TAF10: variants seen among roughly 807,000 people sequenced by gnomAD.
TAF10 encodes transcription initiation factor TFIID subunit 10.
A neutral mutation model predicts 18.1 loss-of-function variants in TAF10; 2 were observed. The ratio of observed to expected loss-of-function variants is 0.11; its 90% CI spans 0.05 to 0.35. TAF10 has a LOEUF of 0.35. Among genes scored for constraint, TAF10 ranks in the 10% least tolerant of loss-of-function variants. The pLI, the probability that TAF10 is intolerant of heterozygous loss-of-function variation, is 1.00. For missense variants in TAF10, 293 were observed against 306.9 expected, an observed-to-expected ratio of 0.95 and a Z score of 0.34; for synonymous variants, 158 against 134.6, an observed-to-expected ratio of 1.17 and a Z score of -1.20.
chr11:6,612,037 T>C lies in TAF10; in HGVS notation c.153A>G (p.Gly51=), dbSNP rs2134584444. ...NKASPAGTAG[G]PGAGAAAGGT... ...CCCCAGCAGCTGCTCCAGCCCCAGGTCCCCCCGCTGTCCCCGCGGGGCTGG... is the reference window on the plus strand; with the variant it reads ...CCCCAGCAGCTGCTCCAGCCCCAGGCCCCCCCGCTGTCCCCGCGGGGCTGG... Residue 51 remains glycine, a synonymous_variant, in exon 1 of 5, where the codon GGA becomes GGG. Transcript: ENST00000299424. 6.7e-7 allele frequency: 1 copy of C among 1,490,738 alleles called. No individual in the cohort carries two copies. The highest frequency in any genetic ancestry group is 8.9e-7 in the Non-Finnish European group (1 of 1,129,212). 92.3% of individuals were successfully genotyped at this position (1,490,738 alleles called of 1,614,324 possible). A position where few individuals can be genotyped will look rare whatever the true frequency, so the allele number is the denominator to read the frequency against.
In TAF10 at chr11:6,608,950, C is replaced by T. The variant is rs756271344; in HGVS notation, c.*1972G>A. On this transcript the variant is annotated 3_prime_UTR_variant, in exon 5 of 5. Transcript: ENST00000299424. The surrounding 1 kb of genome is among the most constrained non-coding windows in gnomAD (Gnocchi z 4.9). ...TACAAGGACACATTCTGGAAGGGGA[C>T]CACCCGCACTCGGCCCCGTGAGTCA... is the stretch of plus-strand genomic sequence containing the variant. The T allele has an allele frequency of 3.7e-6, 6 of 1,614,184 alleles. No homozygotes were observed. In the Admixed American group the frequency reaches 8.3e-5, roughly 22 times the overall value.
rs541609708 is a variant in TAF10 at position 6,610,841 on chromosome 11, C to T, written c.*81G>A. ...CTCCCAACATGGGAGGGATCAGCCC[C>T]GCCTGTCACAATAAAGTTTATTATG... is the stretch of plus-strand genomic sequence containing the variant. On this transcript the variant is annotated 3_prime_UTR_variant, in exon 5 of 5. Transcript: ENST00000299424. 52 of 1,531,010 alleles carry T rather than the reference C, an allele frequency of 3.4e-5. No individual in the cohort carries two copies. The highest frequency in any genetic ancestry group is 2.8e-4 in the South Asian group (25 of 88,242). The allele number at this position is 1,531,010 out of a possible 1,614,324, so 94.8% of individuals were successfully genotyped here. A position where few individuals can be genotyped will look rare whatever the true frequency, so the allele number is the denominator to read the frequency against.
At position 6,611,270 on chromosome 11, in the gene TAF10, G is replaced by T. The variant is rs2134581618; in HGVS notation, c.486C>A (p.Phe162Leu). ...GGGCATCATTGGCAATATCTGAGAT[G>T]AATTTCTGGGCAGCTAAGGAGATGA... ...IRLISLAAQK[F>L]ISDIANDALQ... Residue 162 changes from phenylalanine to leucine, a missense_variant, in exon 4 of 5, where the codon TTC becomes TTA. Phe to Leu is a conservative substitution (Grantham distance 22, BLOSUM62 0). Transcript: ENST00000299424. 1.2e-6 allele frequency: 2 copies of T among 1,614,078 alleles called. No individual in the cohort carries two copies. The highest frequency in any genetic ancestry group is 1.7e-6 in the Non-Finnish European group (2 of 1,180,042).
At position 6,611,472 on chromosome 11, in the gene TAF10, A is replaced by T. The variant is rs753016187; in HGVS notation, c.388-20T>A. On this transcript the variant is annotated intron_variant, in intron 2 of 4. Transcript: ENST00000299424. Reference sequence around the variant, plus strand: ...TGGGATCTGAGAAATCAATTAAGAGAACTGTCAGCAGAGCGGGAGGAGGGT... The same window carrying T: ...TGGGATCTGAGAAATCAATTAAGAGTACTGTCAGCAGAGCGGGAGGAGGGT... 5.6e-6 allele frequency: 9 copies of T among 1,613,970 alleles called. No homozygotes were observed. In the Admixed American group the frequency reaches 1.5e-4, roughly 27 times the overall value.
chr11:6,608,190 A>G lies in TAF10; in HGVS notation c.*2732T>C, dbSNP rs376885008. 19 of 1,614,044 alleles carry G rather than the reference A, an allele frequency of 1.2e-5. No individual in the cohort carries two copies. The highest frequency in any genetic ancestry group is 1.5e-5 in the Non-Finnish European group (18 of 1,180,026). On this transcript the variant is annotated 3_prime_UTR_variant, in exon 5 of 5. Coordinates refer to ENST00000299424, the MANE Select transcript of TAF10 (RefSeq NM_006284.4). This position sits in a 1 kb window ranked among gnomAD's most constrained non-coding sequence, Gnocchi z 4.9. ...CCCTGCATCTGGCAGCCAGTCATGG[A>G]CACCGTGATATTGTACAGAAGGTAC...
Position 6,610,048 on chromosome 11 carries a change from A to C in TAF10, c.*874T>G. 6.2e-7 allele frequency: 1 copy of C among 1,614,150 alleles called. No individual in the cohort carries two copies. Among genetic ancestry groups the C allele is most frequent in the Middle Eastern group, 1.6e-4 (1 of 6,062 alleles). ...GTAGCCCCCGAAGGTGAGTGAAGTC[A>C]TCATGTCGGGAGGTAAAAAAGGACC... On this transcript the variant is annotated 3_prime_UTR_variant, in exon 5 of 5. Coordinates refer to ENST00000299424, the MANE Select transcript of TAF10 (RefSeq NM_006284.4).
chr11:6,609,334 C>A lies in TAF10; in HGVS notation c.*1588G>T. On this transcript the variant is annotated 3_prime_UTR_variant, in exon 5 of 5. Transcript: ENST00000299424. ...GCCGCTGGCAGGGCAATGACATTGT[C>A]GTGAAGGTGCTGAAGGTTCGAGACT... The A allele has an allele frequency of 6.2e-7, 1 of 1,614,142 alleles. No homozygotes were observed. Among genetic ancestry groups the A allele is most frequent in the Non-Finnish European group, 8.5e-7 (1 of 1,180,026 alleles).
Position 6,610,607 on chromosome 11 carries a change from A to C in TAF10, c.*315T>G, listed in dbSNP as rs1855409530. 2 of 1,614,252 alleles carry C rather than the reference A, an allele frequency of 1.2e-6. No homozygotes were observed. The highest frequency in any genetic ancestry group is 1.7e-5 in the Admixed American group (1 of 60,026). On this transcript the variant is annotated 3_prime_UTR_variant, in exon 5 of 5. Coordinates refer to ENST00000299424, the MANE Select transcript of TAF10 (RefSeq NM_006284.4). ...CCTATCCTTGAGAAGATGCAGGACA[A>C]GTAGGACTGGAAGGTCCTTGCCTGA... is the stretch of plus-strand genomic sequence containing the variant.
Position 6,608,448 on chromosome 11 carries a change from C to CT in TAF10, c.*2473dup. The CT allele has an allele frequency of 6.2e-7, 1 of 1,614,200 alleles. No homozygotes were observed. Among genetic ancestry groups the CT allele is most frequent in the South Asian group, 1.1e-5 (1 of 91,082 alleles). ...AGTGAATGAACACGGGAATGTGCCC[C>CT]TGCACTATGCCTGTTTTTGGGGCCA... On this transcript the variant is annotated 3_prime_UTR_variant, in exon 5 of 5. Coordinates refer to ENST00000299424, the MANE Select transcript of TAF10 (RefSeq NM_006284.4). The surrounding 1 kb of genome is among the most constrained non-coding windows in gnomAD (Gnocchi z 4.9).
chr11:6,611,148 T>C, intron 4 of TAF10, 41 bp downstream of exon 4: 1 of 1,593,306 alleles, frequency 6.3e-7, no homozygotes, highest in Non-Finnish European at 8.6e-7. Context: ...CCTCCACTGT[T>C]GTGGAAGGTA....
In TAF10 at chr11:6,611,172, T is replaced by G. The variant is rs1341996723; in HGVS notation, c.567+17A>C. The G allele has an allele frequency of 1.2e-6, 2 of 1,611,450 alleles. No homozygotes were observed. Among genetic ancestry groups the G allele is most frequent in the African/African-American group, 2.7e-5 (2 of 74,866 alleles). ...TTGTGGAAGGTAATTACTGATTCAT[T>G]AAGCCTCCCCTCACACCTTGCTCTT... On this transcript the variant is annotated intron_variant, in intron 4 of 4. Transcript: ENST00000299424.
chr11:6,610,215 G>C lies in TAF10; in HGVS notation c.*707C>G. 1 of 1,614,250 alleles carries C rather than the reference G, an allele frequency of 6.2e-7. No homozygotes were observed. The highest frequency in any genetic ancestry group is 8.5e-7 in the Non-Finnish European group (1 of 1,180,044). On this transcript the variant is annotated 3_prime_UTR_variant, in exon 5 of 5. Coordinates refer to ENST00000299424, the MANE Select transcript of TAF10 (RefSeq NM_006284.4). ...ACATGTGGAGTTTTGCAGTGCTTCT[G>C]TGGGAACTGGTGACACGGGAGGTAC...
chr11:6,611,788 G>C lies in TAF10; in HGVS notation c.263C>G (p.Pro88Arg). The C allele has an allele frequency of 6.2e-7, 1 of 1,603,356 alleles. No homozygotes were observed. The highest frequency in any genetic ancestry group is 1.3e-5 in the African/African-American group (1 of 74,784). ...AACCCCGTTAGATATGGCCCCCTCC[G>C]GGGGCGCCGCGCCACCCGCCGACAC... ...APVSAGGAAP[P>R]EGAISNGVYV... Residue 88 changes from proline (P) to arginine (R), a missense_variant, in exon 2 of 5, where the codon CCG (proline) becomes CGG (arginine). By Grantham distance (103) the Pro-to-Arg change is moderately radical (BLOSUM62 -2). Coordinates refer to ENST00000299424, the MANE Select transcript of TAF10 (RefSeq NM_006284.4).
At position 6,611,767 on chromosome 11, in the gene TAF10, C is replaced by T. The variant is rs1198261153; in HGVS notation, c.284G>A (p.Gly95Glu). The T allele has an allele frequency of 6.2e-7, 1 of 1,610,224 alleles. No individual in the cohort carries two copies. The highest frequency in any genetic ancestry group is 8.5e-7 in the Non-Finnish European group (1 of 1,178,146). The part of the protein sequence containing the change: ...AAPPEGAISN[G>E]VYVLPSAANG... ...GGCCGCGCTCGGCAGTACGTAAACC[C>T]CGTTAGATATGGCCCCCTCCGGGGG... The change falls in exon 2 of 5, where the codon GGG becomes GAG. Residue 95 changes from glycine (G) to glutamate (E), a missense_variant. Gly to Glu is a moderately conservative substitution (Grantham distance 98). Coordinates refer to ENST00000299424, the MANE Select transcript of TAF10 (RefSeq NM_006284.4).
Position 6,608,536 on chromosome 11 carries a change from T to G in TAF10, c.*2386A>C. The G allele has an allele frequency of 6.6e-7, 1 of 1,518,840 alleles. No individual in the cohort carries two copies. Among genetic ancestry groups the G allele is most frequent in the Non-Finnish European group, 9.1e-7 (1 of 1,093,162 alleles). 94.1% of individuals were successfully genotyped at this position (1,518,840 alleles called of 1,614,324 possible). ...CCTGAGATGGGTAGGAAGTAAAGTC[T>G]GAGCCTTGGTGGGAGATTTTGGAAC... On this transcript the variant is annotated 3_prime_UTR_variant, in exon 5 of 5. Transcript: ENST00000299424. The surrounding 1 kb of genome is among the most constrained non-coding windows in gnomAD (Gnocchi z 4.9).
chr11:6,610,598 T>C lies in TAF10; in HGVS notation c.*324A>G. On this transcript the variant is annotated 3_prime_UTR_variant, in exon 5 of 5. Coordinates refer to ENST00000299424, the MANE Select transcript of TAF10 (RefSeq NM_006284.4). ...ATGATTGTGCCTATCCTTGAGAAGA[T>C]GCAGGACAAGTAGGACTGGAAGGTC... The C allele has an allele frequency of 6.2e-7, 1 of 1,614,218 alleles. No individual in the cohort carries two copies. Among genetic ancestry groups the C allele is most frequent in the Non-Finnish European group, 8.5e-7 (1 of 1,180,028 alleles).
Position 6,609,960 on chromosome 11 carries a change from A to C in TAF10, c.*962T>G. The C allele has an allele frequency of 6.2e-7, 1 of 1,614,162 alleles. No homozygotes were observed. The highest frequency in any genetic ancestry group is 8.5e-7 in the Non-Finnish European group (1 of 1,180,028). ...GATTGATGAGGACATGACTGCCCGA[A>C]TTAGCATGGCTGATGTCAAGTTCTC... On this transcript the variant is annotated 3_prime_UTR_variant, in exon 5 of 5. Coordinates refer to ENST00000299424, the MANE Select transcript of TAF10 (RefSeq NM_006284.4).
In TAF10 at chr11:6,611,747, C is replaced by A; in HGVS notation, c.304G>T (p.Ala102Ser). 6.2e-7 allele frequency: 1 copy of A among 1,611,828 alleles called. No individual in the cohort carries two copies. The highest frequency in any genetic ancestry group is 8.5e-7 in the Non-Finnish European group (1 of 1,178,906). Residue 102 changes from alanine to serine, a missense_variant, in exon 2 of 5, where the codon GCG becomes TCG. Physicochemically the swap from Ala to Ser is moderately conservative, Grantham distance 99 (BLOSUM62 1). Transcript: ENST00000299424. ...ISNGVYVLPS[A>S]ANGDVKPVVS... The stretch of plus-strand genomic sequence containing the variant: ...ACGGGCTTCACGTCTCCGTTGGCCG[C>A]GCTCGGCAGTACGTAAACCCCGTTA...
At position 6,607,859 on chromosome 11, in the gene TAF10, G is replaced by C; in HGVS notation, c.*3063C>G. ...TAGAGGTTGTTGAGATATCTAGGTG[G>C]TTGGTTTGGTTTGAAGCTCAGGGGA... On this transcript the variant is annotated 3_prime_UTR_variant, in exon 5 of 5. Transcript: ENST00000299424. 1.6e-6 allele frequency: 1 copy of C among 612,272 alleles called. No homozygotes were observed. 37.9% of individuals were successfully genotyped at this position (612,272 alleles called of 1,614,324 possible).
Sources: allele counts gnomAD v4.1 joint callset, GRCh38; gene constraint gnomAD v4.1.1; non-coding constraint Gnocchi (gnomAD v3.1); transcripts MANE v1.5; gene names NCBI Gene and HGNC (gene_info 2026-07-23, HGNC 2026-07-21).